The following PLEC variants were observed in gnomAD, a reference collection of about 807,000 sequenced individuals.
PLEC encodes the protein plectin.
In PLEC, 216 loss-of-function variants were observed where a neutral mutation model predicts 392.8. The ratio of observed to expected loss-of-function variants is 0.55; its 90% CI spans 0.49 to 0.62. PLEC has a LOEUF of 0.62. Among genes scored for constraint, PLEC ranks in the 20% least tolerant of loss-of-function variants. PLEC has a pLI of 0.00. For synonymous variants in PLEC, 3,621 were observed against 2,980.6 expected (o/e 1.21, Z -7.00); for missense variants, 6,863 against 6,563.4 (o/e 1.05, Z -1.58).
rs1821696009 is a variant in PLEC, at chr8:143,919,286, A to C, written c.10535T>G (p.Phe3512Cys). The change falls in exon 32 of 32, where the codon TTC becomes TGC. Residue 3512 changes from phenylalanine to cysteine, a missense_variant. By Grantham distance (205) the Phe-to-Cys change is radical (BLOSUM62 -2). Coordinates refer to ENST00000345136, the MANE Select transcript of PLEC (RefSeq NM_201384.3). Reference sequence around the variant, plus strand: ...GTTCTCATGCGTGTTGGGGTCAAAGAAGCCCTTGGTGTCGTCGCTGGGGTC... The same window carrying C: ...GTTCTCATGCGTGTTGGGGTCAAAGCAGCCCTTGGTGTCGTCGCTGGGGTC... Reference protein sequence around the residue: ...LADPSDDTKGFFDPNTHENLT... With the variant: ...LADPSDDTKGCFDPNTHENLT... The C allele has an allele frequency of 6.2e-7, 1 of 1,613,854 alleles. No homozygotes were observed. Among genetic ancestry groups the C allele is most frequent in the Non-Finnish European group, 8.5e-7 (1 of 1,180,032 alleles).
Position 143,939,550 on chromosome 8 carries a change from G to A in PLEC, c.-89C>T. ...TGTGGCACACAGGCAGCTGAAGGCT[G>A]GCGGCCCCACGAGACGCTCACTCGG... On this transcript the variant is annotated 5_prime_UTR_variant, in exon 1 of 32. Transcript: ENST00000345136. 2.0e-6 allele frequency: 3 copies of A among 1,537,692 alleles called. No individual in the cohort carries two copies. The highest frequency in any genetic ancestry group is 1.7e-6 in the Non-Finnish European group (2 of 1,144,140).
At chr8:143,930,333 A>G in intron 20 of PLEC, 35 bp from the exon 21 acceptor site, 1 of 1,589,682 alleles carries the variant, frequency 6.3e-7, no homozygotes, top group Admixed American at 1.7e-5. Context: ...ACATGGCCAC[A>G]CCCTGCCCTG....
upstream of PLEC, among the ~76,000 whole-genome samples, chr8:143,941,246 A>C (rs1447174581): frequency 3.3e-5 from 5 of 152,134 alleles, no homozygotes; most frequent in Non-Finnish European, 7.4e-5. Flanking sequence ...GCTGAGGCAC[A>C]GTGTGAGATC....
Position 143,925,775 on chromosome 8 carries a change from T to C in PLEC, c.4154A>G (p.Gln1385Arg). The C allele has an allele frequency of 6.3e-7, 1 of 1,588,888 alleles. No homozygotes were observed. Among genetic ancestry groups the C allele is most frequent in the Non-Finnish European group, 8.5e-7 (1 of 1,174,802 alleles). Reference sequence around the variant, plus strand: ...CAGCTCCTTCGCCTCCCGCTCCGCCTGTGCCTTTGCCTGGGCGTGCGCCTC... The same window carrying C: ...CAGCTCCTTCGCCTCCCGCTCCGCCCGTGCCTTTGCCTGGGCGTGCGCCTC... Reference protein sequence around the residue: ...LAEAHAQAKAQAEREAKELQQ... With the variant: ...LAEAHAQAKARAEREAKELQQ... Residue 1385 changes from glutamine to arginine, a missense_variant, in exon 31 of 32, where the codon CAG becomes CGG. Transcript: ENST00000345136.
At chr8:143,959,611 G>GTGC (rs1474689919) in intron 1 of PLEC, among the ~76,000 whole-genome samples, 2 of 152,290 alleles carry the variant, frequency 1.3e-5, no homozygotes, top group Non-Finnish European at 2.9e-5. Context: ...CCAACACCGG[G>GTGC]TGCTGGGCAG....
chr8:143,965,825 C>A (rs1833059438), intron 1 of PLEC, among the ~76,000 whole-genome samples: 1 of 152,158 alleles, frequency 6.6e-6, no homozygotes, highest in African/African-American at 2.4e-5. Flanking sequence ...ACTCAGTACT[C>A]ACCCTGGGCC....
In PLEC at chr8:143,919,519, G is replaced by A. The variant is rs199879193; in HGVS notation, c.10302C>T (p.Thr3434=). The A allele has an allele frequency of 1.8e-5, 29 of 1,612,250 alleles. 1 individual carries two copies. The highest frequency in any genetic ancestry group is 1.8e-4 in the East Asian group (8 of 44,860). ...TGCCCGAGTAGGGGTCTCTGTAGCC[G>A]GTGACGGCCTTCTCGGCAGACAGCA... ...EQLLSAEKAV[T]GYRDPYSGST... is the part of the protein sequence containing the mutation. Residue 3434 remains threonine (T), a synonymous_variant, in exon 32 of 32, where the codon ACC becomes ACT. Transcript: ENST00000345136.
Position 143,923,466 on chromosome 8 carries a change from C to T in PLEC, c.6463G>A (p.Ala2155Thr), listed in dbSNP as rs2131328878. The T allele has an allele frequency of 6.2e-7, 1 of 1,606,450 alleles. No homozygotes were observed. Among genetic ancestry groups the T allele is most frequent in the East Asian group, 2.2e-5 (1 of 44,838 alleles). ...EAARRAQAEQ[A>T]ALRQKQAADA... ...GCTGCCTGCTTCTGCCGCAGGGCCG[C>T]CTGCTCCGCCTGTGCCCGCCGCGCC... The change falls in exon 31 of 32, where the codon GCG becomes ACG. Residue 2155 changes from alanine to threonine, a missense_variant. Ala to Thr is a moderately conservative substitution (Grantham distance 58). Coordinates refer to ENST00000345136, the MANE Select transcript of PLEC (RefSeq NM_201384.3).
At position 143,917,451 on chromosome 8, in the gene PLEC, TCTC is replaced by T. The variant is rs782364560; in HGVS notation, c.12367_12369del (p.Glu4123del). On this transcript the variant is annotated inframe_deletion, in exon 32 of 32. Coordinates refer to ENST00000345136, the MANE Select transcript of PLEC (RefSeq NM_201384.3). ...GAGGACGTCTTCCGCTCCCGCTTCT[TCTC>T]CTTCAGCGGCAAGAGACACAGGCCC... The T allele has an allele frequency of 1.7e-5, 27 of 1,613,158 alleles. No individual in the cohort carries two copies. The East Asian group carries it at 5.6e-4, about 33-fold the overall frequency.
chr8:143,929,253 C>A lies in PLEC; in HGVS notation c.3110G>T (p.Gly1037Val). 6.2e-7 allele frequency: 1 copy of A among 1,601,614 alleles called. No homozygotes were observed. ...GGCAGAGAGCCGGGCGACCCCCTTG[C>A]CCAGCCCCTCCACCTCTGCCTGTGC... ...QKAQAEVEGL[G>V]KGVARLSAEA... The change falls in exon 25 of 32, where the codon GGC becomes GTC. Residue 1037 changes from glycine (G) to valine (V), a missense_variant. Physicochemically the swap from Gly to Val is moderately radical, Grantham distance 109 (BLOSUM62 -3). Transcript: ENST00000345136.
upstream of PLEC, chr8:143,975,194 G>A (rs1554745614): frequency 6.2e-7 from 1 of 1,600,670 alleles, no homozygotes; most frequent in Non-Finnish European, 8.5e-7. The surrounding 1 kb of genome is among the most constrained non-coding windows in gnomAD (Gnocchi z 9.9). Flanking sequence ...GCGAATGACC[G>A]CCCGCTCAGC....
exon 1 of PLEC, chr8:143,950,515 G>A (rs1832029172): frequency 6.2e-7 from 1 of 1,607,972 alleles, no homozygotes; most frequent in East Asian, 2.2e-5. Context: ...ACCAGGCAAA[G>A]GTCTCGCGGA....
rs782168883 is a variant in PLEC at position 143,916,733 on chromosome 8, C to T, written c.13088G>A (p.Arg4363His). Residue 4363 changes from arginine (R) to histidine (H), a missense_variant, in exon 32 of 32, where the codon CGC becomes CAC. By Grantham distance (29) the Arg-to-His change is conservative (BLOSUM62 0). Transcript: ENST00000345136. ...GGCGGCCGACATCTTGGTCTTGGTGCGTGGGTCCTCGAAGCCGCAGAAGGC... is the reference window on the plus strand; with the variant it reads ...GGCGGCCGACATCTTGGTCTTGGTGTGTGGGTCCTCGAAGCCGCAGAAGGC... ...QKAFCGFEDPRTKTKMSAAQA... is the reference protein window; with the variant it reads ...QKAFCGFEDPHTKTKMSAAQA... 7.4e-6 allele frequency: 12 copies of T among 1,613,080 alleles called. No individual in the cohort carries two copies. Among genetic ancestry groups the T allele is most frequent in the Admixed American group, 3.3e-5 (2 of 60,024 alleles).
Position 143,921,484 on chromosome 8 carries a change from G to T in PLEC, c.8337C>A (p.Asp2779Glu). The part of the protein sequence containing the change: ...SAERAVTGYK[D>E]PYTGQQISLF... Reference sequence around the variant, plus strand: ...GAGAGATCTGCTGGCCAGTGTAGGGGTCCTTGTAGCCAGTGACGGCGCGCT... The same window carrying T: ...GAGAGATCTGCTGGCCAGTGTAGGGTTCCTTGTAGCCAGTGACGGCGCGCT... The change falls in exon 32 of 32, where the codon GAC becomes GAA. Residue 2779 changes from aspartate (D) to glutamate (E), a missense_variant. Transcript: ENST00000345136. 2 of 1,613,112 alleles carry T rather than the reference G, an allele frequency of 1.2e-6. No homozygotes were observed. The highest frequency in any genetic ancestry group is 1.7e-6 in the Non-Finnish European group (2 of 1,179,830).
rs12545876 is a variant in PLEC, at chr8:143,935,188, G to A, written c.718+10C>T. On this transcript the variant is annotated intron_variant, in intron 7 of 31. Transcript: ENST00000345136. ...GGGAAGGGACAGGGAGGAAGGCCAC[G>A]CAGACGTACCCTCAGGGTCCAGGAG... 80,157 of 1,611,628 alleles carry A rather than the reference G, an allele frequency of 0.05. 2,367 individuals are homozygous for A. Among genetic ancestry groups the A allele is most frequent in the Admixed American group, 0.093 (5,592 of 60,000 alleles).
rs202143748 is a variant in PLEC, at chr8:143,921,754, G to A, written c.8067C>T (p.Arg2689=). ...TACTGCTGCGGCCCTGCAGGTAGTGGCGCACGTCTTCCCGCCGTGCGAGCT... is the reference window on the plus strand; with the variant it reads ...TACTGCTGCGGCCCTGCAGGTAGTGACGCACGTCTTCCCGCCGTGCGAGCT... ...VDELARREDV[R]HYLQGRSSIA... is the part of the protein sequence containing the mutation. Residue 2689 remains arginine (R), a synonymous_variant, in exon 32 of 32, where the codon CGC becomes CGT. Transcript: ENST00000345136. 4 of 1,612,440 alleles carry A rather than the reference G, an allele frequency of 2.5e-6. No homozygotes were observed. In the African/African-American group the frequency reaches 5.3e-5, roughly 21 times the overall value.
In PLEC at chr8:143,919,507, G is replaced by A. The variant is rs62642462; in HGVS notation, c.10314C>T (p.Asp3438=). 58 of 1,612,736 alleles carry A rather than the reference G, an allele frequency of 3.6e-5. No homozygotes were observed. The African/African-American group carries it at 7.1e-4, about 20-fold the overall frequency. ...SAEKAVTGYR[D]PYSGSTISLF... is the part of the protein sequence containing the mutation. ...GGGAGATGGTGCTGCCCGAGTAGGGGTCTCTGTAGCCGGTGACGGCCTTCT... is the reference window on the plus strand; with the variant it reads ...GGGAGATGGTGCTGCCCGAGTAGGGATCTCTGTAGCCGGTGACGGCCTTCT... Residue 3438 remains aspartate, a synonymous_variant, in exon 32 of 32, where the codon GAC becomes GAT. Transcript: ENST00000345136.
rs1833304032 is a variant in PLEC, at chr8:143,969,496, T to C, written c.70+3907A>G. Among the ~76,000 whole-genome samples the C allele has an allele frequency of 6.6e-6, 1 of 152,174 alleles. No individual in the cohort carries two copies. Among genetic ancestry groups the C allele is most frequent in the Non-Finnish European group, 1.5e-5 (1 of 68,036 alleles). ...CGCCCAGCCCCCCAAGCCTGGCCTGTGACAGCTCATAGAGGCTGGGCCGTC... is the reference window on the plus strand; with the variant it reads ...CGCCCAGCCCCCCAAGCCTGGCCTGCGACAGCTCATAGAGGCTGGGCCGTC... On this transcript the variant is annotated intron_variant, in intron 1 of 31. Transcript: ENST00000356346. This position sits in a 1 kb window ranked among gnomAD's most constrained non-coding sequence, Gnocchi z 5.1.
chr8:143,940,714 A>G (rs1830299898), upstream of PLEC, among the ~76,000 whole-genome samples: 1 of 151,984 alleles, frequency 6.6e-6, no homozygotes, highest in Admixed American at 6.5e-5. Context: ...TTCTGGGAAG[A>G]GCTCACCCCA....
Sources: gnomAD v4.1 joint callset for allele counts (sites outside exome capture counted in the v4.1 genomes callset) on GRCh38, gnomAD v4.1.1 for gene constraint, Gnocchi (gnomAD v3.1) non-coding constraint, MANE v1.5 for transcripts, NCBI Gene and HGNC (gene_info 2026-07-23, HGNC 2026-07-21) for gene names.